The following ANO4 variants were observed in gnomAD, a reference collection of about 807,000 sequenced individuals.
ANO4 encodes anoctamin-4.
ANO4 carries 69 observed loss-of-function variants against 141.9 expected under a neutral mutation model. The observed-to-expected ratio is 0.49, with a 90% CI of 0.40 to 0.59. The LOEUF (loss-of-function observed/expected upper bound fraction) is 0.59, where lower values mean the gene tolerates loss of function less well. Ranked by LOEUF, ANO4 falls within the 20% of genes least tolerant of loss-of-function variation. ANO4 has a pLI of 0.00. For missense variants in ANO4, 894 were observed against 1,162.2 expected (o/e 0.77, Z 3.36); for synonymous variants, 350 against 394.3 (o/e 0.89, Z 1.33).
chr12:101,118,365 A>G (rs1412404445), intron 25 of ANO4, among the ~76,000 whole-genome samples: 1 of 152,186 alleles, frequency 6.6e-6, no homozygotes, highest in Admixed American at 6.5e-5. Context: ...ATTAATGTGA[A>G]TGGAGGTATT....
At chr12:100,876,291 A>AATAAAAT (rs1555236583) in intron 1 of ANO4, among the ~76,000 whole-genome samples, 3 of 151,436 alleles carry the variant, frequency 2.0e-5, no homozygotes, top group African/African-American at 7.3e-5. Flanking sequence ...AAAAAAAAAA[A>AATAAAAT]AAAAACAGTG....
intron 1 of ANO4, among the ~76,000 whole-genome samples, chr12:100,857,723 A>T (rs1339872396): frequency 6.6e-6 from 1 of 152,166 alleles, no homozygotes; most frequent in Non-Finnish European, 1.5e-5. Flanking sequence ...GAGGAGTGGC[A>T]GGATGTGGGA....
intron 17 of ANO4, among the ~76,000 whole-genome samples, chr12:101,090,712 C>G (rs1297892991): frequency 6.6e-6 from 1 of 151,910 alleles, no homozygotes; most frequent in Non-Finnish European, 1.5e-5. Flanking sequence ...CAAACCTGCA[C>G]ATTGTGCACA....
chr12:100,905,151 C>G (rs2040780950), intron 2 of ANO4, among the ~76,000 whole-genome samples: 1 of 152,120 alleles, frequency 6.6e-6, no homozygotes. Flanking sequence ...CTGGCAAGAT[C>G]TTGTGGGTGG....
chr12:100,952,632 A>G (rs967181705), intron 5 of ANO4, among the ~76,000 whole-genome samples: 4 of 152,164 alleles, frequency 2.6e-5, no homozygotes, highest in African/African-American at 9.7e-5. Flanking sequence ...CCACTGCCCC[A>G]TATCAGTCTG....
intron 1 of ANO4, among the ~76,000 whole-genome samples, chr12:100,820,087 TTC>T (rs765125565): frequency 6.6e-6 from 1 of 151,952 alleles, no homozygotes; most frequent in East Asian, 1.9e-4. Context: ...TTTTTTCTGC[TTC>T]TCTCTCCCTT....
intron 2 of ANO4, among the ~76,000 whole-genome samples, chr12:100,908,388 ACTT>A (rs1293968536): frequency 6.6e-6 from 1 of 152,142 alleles, no homozygotes; most frequent in Non-Finnish European, 1.5e-5. Flanking sequence ...ACATCACTTT[ACTT>A]ATCTACCCAT....
chr12:101,053,116 T>C (rs768851619), intron 14 of ANO4, among the ~76,000 whole-genome samples: 9 of 152,208 alleles, frequency 5.9e-5, no homozygotes, highest in Non-Finnish European at 1.2e-4. Context: ...AAAGAAGCGT[T>C]GATAATTATA....
At chr12:100,990,976 C>A (rs2045070772) in intron 8 of ANO4, among the ~76,000 whole-genome samples, 1 of 151,900 alleles carries the variant, frequency 6.6e-6, no homozygotes, top group East Asian at 1.9e-4. Flanking sequence ...AGAGAGTGAT[C>A]AATGGAAGAT....
upstream of ANO4, among the ~76,000 whole-genome samples, chr12:100,792,761 G>A (rs1051817099): frequency 5.3e-5 from 8 of 152,046 alleles, no homozygotes; most frequent in Admixed American, 3.9e-4. Flanking sequence ...GTATGAACCC[G>A]TTTCATCAAC....
intron 17 of ANO4, among the ~76,000 whole-genome samples, chr12:101,092,594 T>C (rs964603163): frequency 1.2e-4 from 18 of 152,188 alleles, no homozygotes; most frequent in Non-Finnish European, 2.1e-4. Flanking sequence ...TCCATATCCT[T>C]ATATGTATAT....
At chr12:100,872,920 C>G (rs1206708758) in intron 1 of ANO4, among the ~76,000 whole-genome samples, 1 of 152,160 alleles carries the variant, frequency 6.6e-6, no homozygotes, top group African/African-American at 2.4e-5. Flanking sequence ...GTGATTTGAT[C>G]ATGGGGGCGG....
At chr12:100,867,004 C>A (rs1377966492) in intron 1 of ANO4, among the ~76,000 whole-genome samples, 1 of 152,174 alleles carries the variant, frequency 6.6e-6, no homozygotes, top group Non-Finnish European at 1.5e-5. Flanking sequence ...AGGCCTGATA[C>A]AGTAAAGGTG....
At chr12:100,920,490 T>C (rs1315789812) in intron 2 of ANO4, among the ~76,000 whole-genome samples, 1 of 119,734 alleles carries the variant, frequency 8.4e-6, no homozygotes, top group Non-Finnish European at 1.9e-5. Context: ...CTAGCCTTAG[T>C]TGAGATTGAA....
At chr12:100,730,299 G>A (rs960387969) in intron 1 of ANO4, among the ~76,000 whole-genome samples, 37 of 149,980 alleles carry the variant, frequency 2.5e-4, no homozygotes, top group Non-Finnish European at 4.1e-4. Context: ...TTTTTAAACC[G>A]TACCTCCTCC....
intron 13 of ANO4, among the ~76,000 whole-genome samples, chr12:101,045,178 G>A (rs1162927170): frequency 6.6e-6 from 1 of 152,126 alleles, no homozygotes; most frequent in Admixed American, 6.5e-5. Flanking sequence ...AATAGTTACA[G>A]CTATAATAAT....
At chr12:101,121,101 G>C (rs1028442128) in intron 26 of ANO4, among the ~76,000 whole-genome samples, 2 of 152,078 alleles carry the variant, frequency 1.3e-5, no homozygotes, top group East Asian at 3.8e-4. Context: ...GATACAGTGG[G>C]TACATGTGCA....
chr12:101,034,960 GTA>G (rs1186794752), intron 9 of ANO4, among the ~76,000 whole-genome samples: 2 of 152,134 alleles, frequency 1.3e-5, no homozygotes, highest in Non-Finnish European at 2.9e-5. Context: ...ATGTAAAATT[GTA>G]CAACCACTTA....
At chr12:100,869,262 A>G (rs572880696) in intron 1 of ANO4, among the ~76,000 whole-genome samples, 5 of 152,332 alleles carry the variant, frequency 3.3e-5, no homozygotes, top group South Asian at 4.1e-4. Flanking sequence ...GTGAGGTTCT[A>G]TAAATCTTAT....
Sources: allele counts gnomAD v4.1 joint callset (sites outside exome capture counted in the v4.1 genomes callset), GRCh38; gene constraint gnomAD v4.1.1; transcripts MANE v1.5; gene names NCBI Gene and HGNC (gene_info 2026-07-23, HGNC 2026-07-21).